GDE1: variants seen among roughly 807,000 people sequenced by gnomAD.
The protein encoded by GDE1 is glycerophosphodiester phosphodiesterase 1, also known as RGS16-interacting membrane protein.
In GDE1, 24 loss-of-function variants were observed where a neutral mutation model predicts 32.2. That is an observed-to-expected ratio of 0.75 (90% CI 0.54 to 1.05). The LOEUF is 1.05. Ranked by LOEUF, GDE1 falls within the 50% of genes least tolerant of loss-of-function variation. GDE1 has a pLI of 0.00. For synonymous variants in GDE1, 159 were observed against 158.6 expected (o/e 1.00, Z -0.02); for missense variants, 380 against 415.0 (o/e 0.92, Z 0.73).
At chr16:19,521,657 G>C in intron 1 of GDE1, 47 bp downstream of exon 1, 1 of 1,590,154 alleles carries the variant, frequency 6.3e-7, no homozygotes, top group Non-Finnish European at 8.6e-7. Flanking sequence ...AAAAGTAGAA[G>C]TCCGAGCTCT....
At chr16:19,521,628 T>A (rs1969454536) in intron 1 of GDE1, 76 bp downstream of exon 1, 6 of 1,518,700 alleles carry the variant, frequency 4.0e-6, no homozygotes, top group Non-Finnish European at 5.3e-6. Flanking sequence ...CCTGAGAAGA[T>A]CGGGGAACCC....
intron 1 of GDE1, among the ~76,000 whole-genome samples, chr16:19,519,383 G>A (rs947269305): frequency 2.6e-5 from 4 of 151,582 alleles, no homozygotes; most frequent in African/African-American, 9.7e-5. Flanking sequence ...ACAAAATACT[G>A]TAGCAAGGGC....
At chr16:19,519,686 T>C (rs1969425392) in intron 1 of GDE1, among the ~76,000 whole-genome samples, 2 of 152,144 alleles carry the variant, frequency 1.3e-5, no homozygotes, top group African/African-American at 2.4e-5. Context: ...TGGAATAACA[T>C]AGAAGTACTG....
intron 3 of GDE1, among the ~76,000 whole-genome samples, chr16:19,508,233 A>C (rs541739507): frequency 6.6e-6 from 1 of 152,276 alleles, no homozygotes; most frequent in African/African-American, 2.4e-5. Flanking sequence ...GAGAGGACGC[A>C]TTACCCATCA....
At chr16:19,505,222 A>AT in intron 4 of GDE1, 130 bp from the exon 5 acceptor site, 1 of 663,190 alleles carries the variant, frequency 1.5e-6, no homozygotes, top group Non-Finnish European at 2.7e-6. Context: ...TATCTACTAA[A>AT]TAAGTTCTCA....
chr16:19,519,011 A>C (rs1239083133), intron 1 of GDE1, among the ~76,000 whole-genome samples: 3 of 152,128 alleles, frequency 2.0e-5, no homozygotes, highest in African/African-American at 7.2e-5. Flanking sequence ...CAATTTTGAC[A>C]CTATCTACCT....
intron 2 of GDE1, among the ~76,000 whole-genome samples, chr16:19,511,153 A>G (rs1196819259): frequency 6.9e-6 from 1 of 145,962 alleles, no homozygotes. Context: ...CCCAGCCTGG[A>G]GTGCAGTGGT....
At chr16:19,508,258 G>A (rs1969273484) in intron 3 of GDE1, among the ~76,000 whole-genome samples, 1 of 152,194 alleles carries the variant, frequency 6.6e-6, no homozygotes, top group South Asian at 2.1e-4. Flanking sequence ...TATGGAGGGA[G>A]AAGTAATGGG....
chr16:19,522,028 G>T lies in GDE1; in HGVS notation c.-64C>A. The T allele has an allele frequency of 1.4e-6, 2 of 1,473,408 alleles. No individual in the cohort carries two copies. Among genetic ancestry groups the T allele is most frequent in the Non-Finnish European group, 9.0e-7 (1 of 1,107,256 alleles). 91.3% of individuals were successfully genotyped at this position (1,473,408 alleles called of 1,614,324 possible). A position where few individuals can be genotyped will look rare whatever the true frequency, so the allele number is the denominator to read the frequency against. ...CGCCGGGCTCCTGGGGCAGTAGAAC[G>T]AGAAGCGAGGGGGAGGGTCCAAGGC... is the stretch of plus-strand genomic sequence containing the variant. On this transcript the variant is annotated 5_prime_UTR_variant, in exon 1 of 6. Transcript: ENST00000353258.
In GDE1 at chr16:19,517,085, C is replaced by T; in HGVS notation, c.366G>A (p.Gly122=). 1 of 1,614,124 alleles carries T rather than the reference C, an allele frequency of 6.2e-7. No homozygotes were observed. Among genetic ancestry groups the T allele is most frequent in the Non-Finnish European group, 8.5e-7 (1 of 1,179,966 alleles). Residue 122 remains glycine, a synonymous_variant, in exon 2 of 6, where the codon GGG becomes GGA. Transcript: ENST00000353258. Reference sequence around the variant, plus strand: ...ATGTCAAATCACACAATCGCCCAGTCCCATCAGTCGTCCTATCTACTGTGT... The same window carrying T: ...ATGTCAAATCACACAATCGCCCAGTTCCATCAGTCGTCCTATCTACTGTGT... ...HDNTVDRTTD[G]TGRLCDLTFE... is the part of the protein sequence containing the mutation.
At chr16:19,514,046 G>C (rs565525482) in intron 2 of GDE1, among the ~76,000 whole-genome samples, 6 of 152,260 alleles carry the variant, frequency 3.9e-5, no homozygotes, top group South Asian at 2.1e-4. Flanking sequence ...ATGGTCTTTG[G>C]TTTCTTATAT....
rs778466801 is a variant in GDE1 at position 19,521,691 on chromosome 16, G to A, written c.261+13C>T. 1.9e-6 allele frequency: 3 copies of A among 1,609,072 alleles called. No individual in the cohort carries two copies. The highest frequency in any genetic ancestry group is 2.5e-6 in the Non-Finnish European group (3 of 1,177,532). Reference sequence around the variant, plus strand: ...CTCGGGAGGACCGAGGGGCGCGAACGTGGGGGTCTCACCTGCCGAATGGCC... The same window carrying A: ...CTCGGGAGGACCGAGGGGCGCGAACATGGGGGTCTCACCTGCCGAATGGCC... On this transcript the variant is annotated intron_variant, in intron 1 of 5. Transcript: ENST00000353258.
Position 19,501,702 on chromosome 16 carries a change from A to G in GDE1, c.*1768T>C, listed in dbSNP as rs983366129. On this transcript the variant is annotated 3_prime_UTR_variant, in exon 6 of 6. Coordinates refer to ENST00000353258, the MANE Select transcript of GDE1 (RefSeq NM_016641.4). ...GCAGTTTAGACATTTGTTGCACTCAATGAACAAATCTTTGTTGTTTATTTT... is the reference window on the plus strand; with the variant it reads ...GCAGTTTAGACATTTGTTGCACTCAGTGAACAAATCTTTGTTGTTTATTTT... The G allele has an allele frequency of 6.6e-6, 1 of 152,224 alleles. No individual in the cohort carries two copies. Among genetic ancestry groups the G allele is most frequent in the African/African-American group, 2.4e-5 (1 of 41,460 alleles). The allele number at this position is 152,224 out of a possible 1,614,324, so 9.4% of individuals were successfully genotyped here.
intron 2 of GDE1, among the ~76,000 whole-genome samples, chr16:19,511,437 C>T (rs1480978736): frequency 6.6e-6 from 1 of 152,080 alleles, no homozygotes. Context: ...TATAGATATT[C>T]TTTTTTCCAC....
chr16:19,506,823 G>T (rs1394123968), intron 4 of GDE1, among the ~76,000 whole-genome samples: 1 of 152,052 alleles, frequency 6.6e-6, no homozygotes, highest in Admixed American at 6.6e-5. Context: ...CAATGGCATT[G>T]TGGCTATGTT....
At chr16:19,509,930 T>C (rs1195707350) in intron 3 of GDE1, among the ~76,000 whole-genome samples, 1 of 151,940 alleles carries the variant, frequency 6.6e-6, no homozygotes, top group East Asian at 1.9e-4. Flanking sequence ...GGATTACAGG[T>C]GTGAGCCACT....
At chr16:19,517,644 C>T (rs1202162736) in intron 1 of GDE1, among the ~76,000 whole-genome samples, 1 of 152,206 alleles carries the variant, frequency 6.6e-6, no homozygotes, top group African/African-American at 2.4e-5. Flanking sequence ...TAATTCCACC[C>T]TCTACCACAA....
intron 3 of GDE1, 74 bp downstream of exon 3, chr16:19,510,765 T>C (rs1049024797): frequency 4.3e-5 from 28 of 655,618 alleles, no homozygotes; most frequent in Non-Finnish European, 6.1e-5. Flanking sequence ...ACAAAATATA[T>C]GTAACTTCGG....
rs949100119 is a variant in GDE1 at position 19,515,031 on chromosome 16, A to T, written c.437+1983T>A. 2.8e-5 allele frequency among the ~76,000 whole-genome samples: 4 copies of T among 142,356 alleles called. No individual in the cohort carries two copies. In the East Asian group the frequency reaches 8.3e-4, roughly 30 times the overall value. 93.4% of individuals were successfully genotyped at this position (142,356 alleles called of 152,430 possible). A position where few individuals can be genotyped will look rare whatever the true frequency, so the allele number is the denominator to read the frequency against. On this transcript the variant is annotated intron_variant, in intron 2 of 5. Coordinates refer to ENST00000353258, the MANE Select transcript of GDE1 (RefSeq NM_016641.4). ...CAGTGAGCCAAGATCATGCCATTGC[A>T]CTCCAAACTGGGCAACAAGAGTGAA...
Sources: gnomAD v4.1 joint callset for allele counts (sites outside exome capture counted in the v4.1 genomes callset) on GRCh38, gnomAD v4.1.1 for gene constraint, MANE v1.5 for transcripts, NCBI Gene and HGNC (gene_info 2026-07-23, HGNC 2026-07-21) for gene names.